Variants in CENPP observed in about 807,000 individuals in gnomAD.
CENPP encodes centromere protein P.
Under a neutral mutation model 35.6 loss-of-function variants are expected in CENPP, and 24 were observed. The observed-to-expected ratio is 0.67, with a 90% CI of 0.49 to 0.95. The LOEUF is 0.95. CENPP is among the 40% of genes least tolerant of loss of function. The pLI is 0.00. For synonymous variants in CENPP, 120 were observed against 125.5 expected, an observed-to-expected ratio of 0.96 and a Z score of 0.29; for missense variants, 332 against 345.3, an observed-to-expected ratio of 0.96 and a Z score of 0.31.
In CENPP at chr9:92,552,099, A is replaced by C. The variant is rs112989973; in HGVS notation, c.565-59215A>C. 5.8e-5 allele frequency among the ~76,000 whole-genome samples: 7 copies of C among 120,704 alleles called. 1 individual carries two copies. The East Asian group carries it at 1.4e-3, about 23-fold the overall frequency. The allele number at this position is 120,704 out of a possible 152,430, so 79.2% of individuals were successfully genotyped here. On this transcript the variant is annotated intron_variant, in intron 5 of 7. Transcript: ENST00000375587. The stretch of plus-strand genomic sequence containing the variant: ...ATCTATCATATATGTGATATGATAG[A>C]TCTATCATATATATGTGATATGATA...
intron 4 of CENPP, among the ~76,000 whole-genome samples, chr9:92,352,499 G>GTATACATA (rs1841477839): frequency 6.3e-5 from 5 of 79,152 alleles, no homozygotes; most frequent in African/African-American, 1.9e-4. Flanking sequence ...GTGTGTGTGT[G>GTATACATA]TGTGTGTATA....
chr9:92,431,699 C>T (rs929110405), intron 5 of CENPP, among the ~76,000 whole-genome samples: 1 of 152,002 alleles, frequency 6.6e-6, no homozygotes, highest in African/African-American at 2.4e-5. Context: ...CTCAGCCTCC[C>T]GAGTAGCTGG....
chr9:92,494,208 C>T, intron 5 of CENPP: 2 of 1,547,284 alleles, frequency 1.3e-6, no homozygotes, highest in Admixed American at 1.7e-5. Flanking sequence ...GTCTCTGTGT[C>T]ATCCCAAGAT....
chr9:92,329,237 T>G (rs1425422462), intron 1 of CENPP, among the ~76,000 whole-genome samples: 4 of 142,572 alleles, frequency 2.8e-5, no homozygotes, highest in Non-Finnish European at 6.0e-5. Context: ...CAGGCTGGAG[T>G]GTGGTGGCGC....
intron 5 of CENPP, among the ~76,000 whole-genome samples, chr9:92,566,726 G>A (rs1849976264): frequency 6.6e-6 from 1 of 152,312 alleles, no homozygotes; most frequent in Non-Finnish European, 1.5e-5. Flanking sequence ...TAAGAGACTT[G>A]TGGGACACCA....
At chr9:92,556,837 T>G (rs1349339511) in intron 5 of CENPP, among the ~76,000 whole-genome samples, 1 of 152,154 alleles carries the variant, frequency 6.6e-6, no homozygotes, top group African/African-American at 2.4e-5. Flanking sequence ...TACAGTTGCA[T>G]CCATCCTGCT....
intron 3 of CENPP, among the ~76,000 whole-genome samples, chr9:92,342,275 G>T (rs2130797285): frequency 6.6e-6 from 1 of 152,342 alleles, no homozygotes; most frequent in East Asian, 1.9e-4. Context: ...TGGCCATATG[G>T]CCAGTGAAAA....
At chr9:92,403,949 G>A (rs1843223344) in intron 5 of CENPP, among the ~76,000 whole-genome samples, 1 of 152,060 alleles carries the variant, frequency 6.6e-6, no homozygotes, top group Non-Finnish European at 1.5e-5. Context: ...ACACCTTTAG[G>A]TGGTACAGAA....
intron 5 of CENPP, among the ~76,000 whole-genome samples, chr9:92,408,257 C>G (rs1843359275): frequency 6.6e-6 from 1 of 152,216 alleles, no homozygotes; most frequent in Non-Finnish European, 1.5e-5. Flanking sequence ...GCGATCTCAG[C>G]TCACTGCAAC....
At chr9:92,364,680 A>T (rs1465454820) in intron 4 of CENPP, among the ~76,000 whole-genome samples, 6 of 152,226 alleles carry the variant, frequency 3.9e-5, no homozygotes, top group Non-Finnish European at 8.8e-5. Flanking sequence ...ATATGTTAAA[A>T]GCATATTATG....
intron 5 of CENPP, among the ~76,000 whole-genome samples, chr9:92,396,843 A>C (rs923580540): frequency 3.3e-5 from 5 of 152,074 alleles, no homozygotes; most frequent in African/African-American, 1.2e-4. Context: ...AACATCTTTT[A>C]TATCTATTTC....
intron 5 of CENPP, among the ~76,000 whole-genome samples, chr9:92,560,896 G>A (rs1310606640): frequency 7.3e-5 from 9 of 122,886 alleles, no homozygotes; most frequent in Non-Finnish European, 1.5e-4. Context: ...TTTTAAATTG[G>A]TTACCCAATT....
chr9:92,353,949 G>A (rs1841528341), intron 4 of CENPP, among the ~76,000 whole-genome samples: 1 of 152,176 alleles, frequency 6.6e-6, no homozygotes, highest in African/African-American at 2.4e-5. Flanking sequence ...CACCTAGTTA[G>A]CATTGTAATT....
intron 5 of CENPP, among the ~76,000 whole-genome samples, chr9:92,477,383 G>A (rs1845749339): frequency 6.6e-6 from 1 of 152,120 alleles, no homozygotes; most frequent in Admixed American, 6.5e-5. Context: ...GCCCAGCTTT[G>A]CCTCAACCTT....
rs560061423 is a variant in CENPP, at chr9:92,345,319, T to C, written c.379-380T>C. Among the ~76,000 whole-genome samples, 140 of 151,884 alleles carry C rather than the reference T, an allele frequency of 9.2e-4. 1 individual carries two copies. The highest frequency in any genetic ancestry group is 1.6e-3 in the Non-Finnish European group (109 of 67,964). On this transcript the variant is annotated intron_variant, in intron 3 of 7. Transcript: ENST00000375587. ...GGCCGACATGGTGAAACCCCATCTCTACTAAAAATACAAAAATTAGCCGGG... is the reference window on the plus strand; with the variant it reads ...GGCCGACATGGTGAAACCCCATCTCCACTAAAAATACAAAAATTAGCCGGG...
chr9:92,569,005 T>C (rs1850067413), intron 5 of CENPP, among the ~76,000 whole-genome samples: 1 of 152,144 alleles, frequency 6.6e-6, no homozygotes, highest in Non-Finnish European at 1.5e-5. Context: ...GGGTAGATTG[T>C]AAAAATTTTC....
intron 5 of CENPP, chr9:92,384,781 T>C (rs954604122): frequency 6.6e-6 from 1 of 152,134 alleles, no homozygotes; most frequent in Non-Finnish European, 1.5e-5. Flanking sequence ...TTCTGTAGTA[T>C]AAAAGGAAAA....
At chr9:92,569,489 A>G (rs1289782284) in intron 5 of CENPP, among the ~76,000 whole-genome samples, 7 of 152,128 alleles carry the variant, frequency 4.6e-5, no homozygotes, top group Admixed American at 2.6e-4. Flanking sequence ...GTAGCCTTGT[A>G]GTATAGTTTG....
chr9:92,555,003 T>TTTGTTGTTGTTG (rs57027847), intron 5 of CENPP, among the ~76,000 whole-genome samples: 5 of 149,826 alleles, frequency 3.3e-5, no homozygotes, highest in South Asian at 2.1e-4. Context: ...GTCTGTATTG[T>TTTGTTGTTGTTG]TTGTTGTTGT....
Sources: gnomAD v4.1 joint callset for allele counts (sites outside exome capture counted in the v4.1 genomes callset) on GRCh38, gnomAD v4.1.1 for gene constraint, MANE v1.5 for transcripts, NCBI Gene and HGNC (gene_info 2026-07-23, HGNC 2026-07-21) for gene names.